Variants in CWH43 observed in about 807,000 individuals in gnomAD.
CWH43 encodes cell wall biogenesis 43 C-terminal homolog.
In CWH43, 91 loss-of-function variants were observed where a neutral mutation model predicts 85.7. The observed-to-expected ratio is 1.06, with a 90% confidence interval of 0.90 to 1.26. The LOEUF is 1.26. CWH43 is among the 50% of genes most tolerant of loss of function. The pLI is 0.00. For missense variants in CWH43, 869 were observed against 839.2 expected (o/e 1.04, Z -0.44); for synonymous variants, 323 against 293.6 (o/e 1.10, Z -1.02).
intron 9 of CWH43, among the ~76,000 whole-genome samples, chr4:49,020,658 A>T (rs548210018): frequency 7.1e-4 from 108 of 152,276 alleles, no homozygotes; most frequent in African/African-American, 2.6e-3. Flanking sequence ...TGGTTGTACT[A>T]GTTTACCTTC....
chr4:49,014,250 C>T (rs976855090), intron 8 of CWH43, among the ~76,000 whole-genome samples: 3 of 152,006 alleles, frequency 2.0e-5, no homozygotes, highest in Non-Finnish European at 4.4e-5. Flanking sequence ...GCCAGGAGTT[C>T]GAGACCAGCA....
chr4:49,039,529 C>T (rs1054658640), intron 13 of CWH43, among the ~76,000 whole-genome samples: 2 of 146,614 alleles, frequency 1.4e-5, no homozygotes, highest in Non-Finnish European at 3.0e-5. Context: ...TGTCTTGGTC[C>T]CTTTCATTCC....
In CWH43 at chr4:48,986,428, C is replaced by A. The variant is rs762509527; in HGVS notation, c.-2C>A. ...TGGAAAGCGCTGCCCCTCGCCGCGG[C>A]GATGCCCTCGCTGTGGAGAGAAATC... is the stretch of plus-strand genomic sequence containing the variant. On this transcript the variant is annotated 5_prime_UTR_variant, in exon 1 of 16. Coordinates refer to ENST00000226432, the MANE Select transcript of CWH43 (RefSeq NM_025087.3). The A allele has an allele frequency of 6.5e-7, 1 of 1,545,988 alleles. No homozygotes were observed. The highest frequency in any genetic ancestry group is 2.4e-5 in the East Asian group (1 of 41,654).
At chr4:49,012,046 T>G (rs1266321999) in intron 8 of CWH43, among the ~76,000 whole-genome samples, 1 of 152,222 alleles carries the variant, frequency 6.6e-6, no homozygotes, top group African/African-American at 2.4e-5. Context: ...GAAGTTCTTC[T>G]GGATAATATC....
At position 49,028,695 on chromosome 4, in the gene CWH43, T is replaced by A. The variant is rs546050684; in HGVS notation, c.1333T>A (p.Ser445Thr). Residue 445 changes from serine to threonine, a missense_variant, in exon 10 of 16, where the codon TCT becomes ACT. Coordinates refer to ENST00000226432, the MANE Select transcript of CWH43 (RefSeq NM_025087.3). The part of the protein sequence containing the change: ...FRFGYDNEGW[S>T]SLERSAHLLN... ...GTTTGGATATGACAATGAAGGGTGG[T>A]CTAGTCTAGAAAGATCAGCTCACCT... The A allele has an allele frequency of 1.5e-5, 25 of 1,613,758 alleles. No individual in the cohort carries two copies. In the Admixed American group the frequency reaches 3.2e-4, roughly 20 times the overall value.
At chr4:49,003,061 T>C (rs778598884) in intron 6 of CWH43, among the ~76,000 whole-genome samples, 6 of 152,108 alleles carry the variant, frequency 3.9e-5, no homozygotes, top group Non-Finnish European at 5.9e-5. Context: ...TTCACAAGGA[T>C]TGGGGGAAAG....
Position 49,017,256 on chromosome 4 carries a change from G to A in CWH43, c.1194G>A (p.Trp398Ter), listed in dbSNP as rs1397628555. The change falls in exon 9 of 16, where the codon TGG becomes TGA. Residue 398 changes from tryptophan to a stop codon, truncating the protein, a stop_gained. Coordinates refer to ENST00000226432, the MANE Select transcript of CWH43 (RefSeq NM_025087.3). LOFTEE classifies it high-confidence loss of function. ...KSEKYMKLFL[W>*]LLVGVGLLGL... ...TTTCTTTTTTCTGTTTAGTTCTGTG[G>A]CTGCTTGTTGGTGTGGGATTGTTGG... 1.4e-5 allele frequency: 23 copies of A among 1,609,958 alleles called. No individual in the cohort carries two copies. The highest frequency in any genetic ancestry group is 2.0e-5 in the Non-Finnish European group (23 of 1,178,040).
chr4:49,030,843 T>C lies in CWH43; in HGVS notation c.1391T>C (p.Ile464Thr). The change falls in exon 11 of 16, where the codon ATT becomes ACT. Residue 464 changes from isoleucine to threonine, a missense_variant. By Grantham distance (89) the Ile-to-Thr change is moderately conservative. Around this residue, in one of 3 missense-constraint regions of CWH43, gnomAD observed 577 missense variants for 513.1 expected, o/e 1.12. Transcript: ENST00000226432. ...LNETGADFITILESDASKPYM... is the reference protein window; with the variant it reads ...LNETGADFITTLESDASKPYM... ...TGAACAGGTGCAGATTTCATAACAA[T>C]TTTGGAGAGTGATGCTTCTAAGCCC... is the stretch of plus-strand genomic sequence containing the variant. 1 of 1,582,406 alleles carries C rather than the reference T, an allele frequency of 6.3e-7. No homozygotes were observed. Among genetic ancestry groups the C allele is most frequent in the Non-Finnish European group, 8.5e-7 (1 of 1,169,964 alleles).
rs1784746558 is a variant in CWH43 at position 49,050,054 on chromosome 4, T to C, written c.1866-640T>C. On this transcript the variant is annotated intron_variant, in intron 14 of 15. Transcript: ENST00000226432. The stretch of plus-strand genomic sequence containing the variant: ...TCCATATATATACATATGTGCTTCA[T>C]TGAATAAATGAATGACTGAAGCTGA... 2.0e-5 allele frequency among the ~76,000 whole-genome samples: 3 copies of C among 152,216 alleles called. No individual in the cohort carries two copies. In the South Asian group the frequency reaches 6.2e-4, roughly 31 times the overall value.
In CWH43 at chr4:48,990,366, G is replaced by T. The variant is rs541201904; in HGVS notation, c.236-1088G>T. 3.3e-5 allele frequency among the ~76,000 whole-genome samples: 5 copies of T among 152,222 alleles called. No homozygotes were observed. In the East Asian group the frequency reaches 7.7e-4, roughly 24 times the overall value. ...TTCCAGGTGACCATTGAGCTTTGTT[G>T]TTGCTAACAGAGGCTAAAGTAAGCC... is the stretch of plus-strand genomic sequence containing the variant. On this transcript the variant is annotated intron_variant, in intron 2 of 15. Coordinates refer to ENST00000226432, the MANE Select transcript of CWH43 (RefSeq NM_025087.3).
In CWH43 at chr4:48,994,922, A is replaced by C. The variant is rs1782765422; in HGVS notation, c.713+102A>C. 13 of 910,216 alleles carry C rather than the reference A, an allele frequency of 1.4e-5. No homozygotes were observed. In the Middle Eastern group the frequency reaches 3.6e-3, roughly 251 times the overall value. The allele number at this position is 910,216 out of a possible 1,614,324, so 56.4% of individuals were successfully genotyped here. ...TAGGTCTGTGCTAGCCAGATATTTCATACCACTCTCCCTAGATATCAGAAT... is the reference window on the plus strand; with the variant it reads ...TAGGTCTGTGCTAGCCAGATATTTCCTACCACTCTCCCTAGATATCAGAAT... On this transcript the variant is annotated intron_variant, in intron 5 of 15. Transcript: ENST00000226432.
At chr4:49,052,242 C>T (rs1340951552) in intron 15 of CWH43, among the ~76,000 whole-genome samples, 5 of 152,016 alleles carry the variant, frequency 3.3e-5, no homozygotes, top group African/African-American at 4.8e-5. Context: ...ACTAGGAAAC[C>T]GCGGGCCTTA....
chr4:49,018,205 G>A (rs1045956408), intron 9 of CWH43, among the ~76,000 whole-genome samples: 1 of 152,048 alleles, frequency 6.6e-6, no homozygotes, highest in Admixed American at 6.6e-5. Context: ...ACCAAAGGGG[G>A]TGTTTTATCA....
chr4:49,005,563 CTT>C (rs1267997352), intron 7 of CWH43, among the ~76,000 whole-genome samples: 13 of 127,886 alleles, frequency 1.0e-4, no homozygotes, highest in Admixed American at 7.9e-5. Context: ...TTTTTTTTTT[CTT>C]TTTTTTTTTT....
In CWH43 at chr4:49,028,746, T is replaced by A. The variant is rs751408645; in HGVS notation, c.1372+12T>A. 1.3e-6 allele frequency: 2 copies of A among 1,529,614 alleles called. No homozygotes were observed. The highest frequency in any genetic ancestry group is 1.8e-6 in the Non-Finnish European group (2 of 1,106,282). The allele number at this position is 1,529,614 out of a possible 1,614,324, so 94.8% of individuals were successfully genotyped here. A position where few individuals can be genotyped will look rare whatever the true frequency, so the allele number is the denominator to read the frequency against. On this transcript the variant is annotated intron_variant, in intron 10 of 15. Transcript: ENST00000226432. ...GCTCAATGAAACAGGTAAGTCTTCC[T>A]GGAATTAGTTCCAGGTTTTGAGAAA...
chr4:49,044,126 C>A (rs866982960), intron 13 of CWH43, among the ~76,000 whole-genome samples: 1 of 152,030 alleles, frequency 6.6e-6, no homozygotes, highest in Admixed American at 6.6e-5. Context: ...AGAATAAACA[C>A]CTCATATTTA....
At chr4:49,020,702 C>T (rs1783725364) in intron 9 of CWH43, among the ~76,000 whole-genome samples, 1 of 152,150 alleles carries the variant, frequency 6.6e-6, no homozygotes, top group Admixed American at 6.5e-5. Context: ...CTTTTCACTA[C>T]ATCCATGCCA....
At chr4:49,059,546 C>T (rs1431597890) in intron 15 of CWH43, among the ~76,000 whole-genome samples, 1 of 152,152 alleles carries the variant, frequency 6.6e-6, no homozygotes, top group African/African-American at 2.4e-5. Flanking sequence ...GGTATCTGTA[C>T]ATTTGAAAAA....
rs555204336 is a variant in CWH43 at position 49,052,717 on chromosome 4, A to G, written c.2021+1868A>G. On this transcript the variant is annotated intron_variant, in intron 15 of 15. Transcript: ENST00000226432. ...TGCTTTCCCACTCAGTTTAATTACG[A>G]AAATAGTAAAGGCATAAATAGAAGG... Among the ~76,000 whole-genome samples the G allele has an allele frequency of 2.6e-5, 4 of 152,356 alleles. No homozygotes were observed. In the South Asian group the frequency reaches 6.2e-4, roughly 24 times the overall value.
Sources: gnomAD v4.1 joint callset for allele counts (sites outside exome capture counted in the v4.1 genomes callset) on GRCh38, gnomAD v4.1.1 for gene constraint, gnomAD v4.1.1 regional missense constraint, MANE v1.5 for transcripts, NCBI Gene and HGNC (gene_info 2026-07-23, HGNC 2026-07-21) for gene names.